Variants in TTC17 observed in about 807,000 individuals in gnomAD.
TTC17 encodes tetratricopeptide repeat domain 17.
Under a neutral mutation model 143.8 loss-of-function variants are expected in TTC17, and 58 were observed. The ratio of observed to expected loss-of-function variants is 0.40; its 90% confidence interval spans 0.33 to 0.50. TTC17 has a LOEUF of 0.50. Ranked by LOEUF, TTC17 falls within the 20% of genes least tolerant of loss-of-function variation. TTC17 has a pLI of 0.49. For synonymous variants in TTC17, 501 were observed against 497.8 expected (o/e 1.01, Z -0.09); for missense variants, 1,273 against 1,392.5 (o/e 0.91, Z 1.37).
At chr11:43,429,288 G>A (rs1947099089) in intron 16 of TTC17, among the ~76,000 whole-genome samples, 2 of 152,196 alleles carry the variant, frequency 1.3e-5, no homozygotes, top group African/African-American at 2.4e-5. Context: ...GCCCAAGTTT[G>A]TACAGTAAGG....
intron 8 of TTC17, among the ~76,000 whole-genome samples, chr11:43,399,685 A>T (rs545946816): frequency 4.6e-5 from 7 of 152,274 alleles, no homozygotes; most frequent in East Asian, 1.9e-4. Flanking sequence ...CCCATTTTTT[A>T]AAAAAGTTGT....
In TTC17 at chr11:43,359,083, C is replaced by T. The variant is rs563785593; in HGVS notation, c.129C>T (p.Val43=). Residue 43 remains valine, a synonymous_variant, in exon 1 of 24, where the codon GTC becomes GTT. Coordinates refer to ENST00000039989, the MANE Select transcript of TTC17 (RefSeq NM_018259.6). ...ARGAFATTHW[V]VTEDGKIQQQ... ...GGGCCTTCGCCACCACGCACTGGGT[C>T]GTCACGGAGGACGGGAAAATCCAGC... 1.4e-5 allele frequency: 22 copies of T among 1,588,864 alleles called. No homozygotes were observed. The highest frequency in any genetic ancestry group is 1.8e-5 in the Non-Finnish European group (21 of 1,169,482).
intron 2 of TTC17, among the ~76,000 whole-genome samples, chr11:43,386,518 T>TG (rs996257579): frequency 2.6e-5 from 4 of 152,368 alleles, no homozygotes; most frequent in African/African-American, 9.6e-5. Flanking sequence ...CTTTATGTGG[T>TG]ACTTGACTGT....
At chr11:43,425,372 A>G (rs1398242817) in intron 16 of TTC17, among the ~76,000 whole-genome samples, 1 of 152,150 alleles carries the variant, frequency 6.6e-6, no homozygotes, top group African/African-American at 2.4e-5. Flanking sequence ...TACACAACCT[A>G]TTCTACGTTG....
chr11:43,396,140 A>G (rs1857582686), intron 5 of TTC17: 1 of 152,012 alleles, frequency 6.6e-6, no homozygotes, highest in Non-Finnish European at 1.5e-5. Context: ...CACTTTGTAA[A>G]AGGAAAACTT....
chr11:43,486,270 C>A, intron 21 of TTC17: 1 of 232,840 alleles, frequency 4.3e-6, no homozygotes, highest in East Asian at 8.8e-5. Context: ...TTAAGTTGTC[C>A]ACCATTCTGA....
intron 21 of TTC17, among the ~76,000 whole-genome samples, chr11:43,461,149 C>T (rs1947857185): frequency 1.3e-5 from 2 of 152,114 alleles, no homozygotes; most frequent in Non-Finnish European, 2.9e-5. Context: ...CTTTGGGAGG[C>T]CGAGGCGGGT....
At chr11:43,465,557 T>A (rs978590862) in intron 21 of TTC17, among the ~76,000 whole-genome samples, 4 of 152,124 alleles carry the variant, frequency 2.6e-5, no homozygotes, top group Admixed American at 6.5e-5. Context: ...AGCTGAGAAT[T>A]GCAATAACTG....
At chr11:43,390,500 C>T (rs1857336280) in intron 3 of TTC17, among the ~76,000 whole-genome samples, 1 of 151,924 alleles carries the variant, frequency 6.6e-6, no homozygotes, top group Admixed American at 6.6e-5. Context: ...CCTGTAGTCC[C>T]AGCTACTCGG....
intron 21 of TTC17, among the ~76,000 whole-genome samples, chr11:43,471,518 G>C (rs1390815843): frequency 6.6e-6 from 1 of 152,234 alleles, no homozygotes; most frequent in East Asian, 1.9e-4. Flanking sequence ...CAGCCCAGCT[G>C]CAGTTTGGTT....
Position 43,404,027 on chromosome 11 carries a change from G to T in TTC17, c.1362G>T (p.Met454Ile), listed in dbSNP as rs374840484. The T allele has an allele frequency of 4.3e-6, 7 of 1,611,118 alleles. No homozygotes were observed. The highest frequency in any genetic ancestry group is 5.9e-6 in the Non-Finnish European group (7 of 1,178,706). Reference sequence around the variant, plus strand: ...GTGAGGATTCATCAACCTCCAGTATGATGTCTGTGAACTTTGATGTTCAAT... The same window carrying T: ...GTGAGGATTCATCAACCTCCAGTATTATGTCTGTGAACTTTGATGTTCAAT... ...QFGEDSSTSS[M>I]MSVNFDVQSN... Residue 454 changes from methionine to isoleucine, a missense_variant, in exon 11 of 24, where the codon ATG (methionine) becomes ATT (isoleucine). Transcript: ENST00000039989.
chr11:43,398,435 C>T (rs1218974797), intron 8 of TTC17, among the ~76,000 whole-genome samples: 5 of 152,182 alleles, frequency 3.3e-5, no homozygotes, highest in Non-Finnish European at 5.9e-5. Context: ...TAGTTGACTA[C>T]TTACTTTGTT....
chr11:43,375,566 A>G (rs1238290456), intron 1 of TTC17, among the ~76,000 whole-genome samples: 3 of 152,172 alleles, frequency 2.0e-5, no homozygotes, highest in Non-Finnish European at 2.9e-5. Flanking sequence ...ATTTAAGATT[A>G]TATTCATCAG....
At chr11:43,395,869 G>T (rs1398256833) in intron 5 of TTC17, among the ~76,000 whole-genome samples, 1 of 152,070 alleles carries the variant, frequency 6.6e-6, no homozygotes, top group Non-Finnish European at 1.5e-5. Flanking sequence ...TTCTTTTGGA[G>T]TTTGATTTTT....
At chr11:43,401,980 AAAATAAATAAATAAATAAAT>A (rs35991566) in intron 10 of TTC17, among the ~76,000 whole-genome samples, 1,882 of 140,436 alleles carry the variant, frequency 0.013, 51 homozygotes, top group African/African-American at 0.045. Flanking sequence ...TGTGTCTCAA[AAAATAAATAAATAAATAAAT>A]AAATAAATAA....
At chr11:43,367,773 A>G (rs558963659) in intron 1 of TTC17, among the ~76,000 whole-genome samples, 1 of 152,030 alleles carries the variant, frequency 6.6e-6, no homozygotes, top group South Asian at 2.1e-4. Context: ...ACACCCTAAA[A>G]GAGTTATCTG....
intron 9 of TTC17, among the ~76,000 whole-genome samples, chr11:43,400,551 T>C (rs1857809947): frequency 1.3e-5 from 2 of 152,128 alleles, no homozygotes; most frequent in South Asian, 4.1e-4. Context: ...CCATACTCCT[T>C]TTTTTCTTGC....
chr11:43,413,262 T>A (rs1946698433), intron 15 of TTC17, among the ~76,000 whole-genome samples: 1 of 152,228 alleles, frequency 6.6e-6, no homozygotes, highest in Non-Finnish European at 1.5e-5. Flanking sequence ...AAGTTAGTGC[T>A]AGAATAATTG....
intron 1 of TTC17, among the ~76,000 whole-genome samples, chr11:43,361,777 G>T (rs1856114620): frequency 6.6e-6 from 1 of 152,284 alleles, no homozygotes; most frequent in East Asian, 1.9e-4. Context: ...TGTGATTTCA[G>T]TTTTAAAGTG....
Sources: gnomAD v4.1 joint callset for allele counts (sites outside exome capture counted in the v4.1 genomes callset) on GRCh38, gnomAD v4.1.1 for gene constraint, MANE v1.5 for transcripts, NCBI Gene and HGNC (gene_info 2026-07-23, HGNC 2026-07-21) for gene names.